COL18A1: variants seen among roughly 807,000 people sequenced by gnomAD.
The protein encoded by COL18A1 is collagen type XVIII alpha 1 chain.
In COL18A1, 133 loss-of-function variants were observed where a neutral mutation model predicts 168.0. The ratio of observed to expected loss-of-function variants is 0.79; its 90% CI spans 0.69 to 0.91. The LOEUF is 0.91. Ranked by LOEUF, COL18A1 falls within the 40% of genes least tolerant of loss-of-function variation. The pLI is 0.00. For synonymous variants in COL18A1, 949 were observed against 809.0 expected (o/e 1.17, Z -2.94); for missense variants, 2,126 against 1,925.4 (o/e 1.10, Z -1.95).
At chr21:45,452,279 A>G (rs892954316) in intron 2 of COL18A1, among the ~76,000 whole-genome samples, 5 of 152,248 alleles carry the variant, frequency 3.3e-5, no homozygotes, top group Non-Finnish European at 7.3e-5. Flanking sequence ...GTGCAAGTAC[A>G]TGGTGAGTGT....
intron 2 of COL18A1, among the ~76,000 whole-genome samples, chr21:45,460,397 C>T (rs1345836486): frequency 4.6e-5 from 7 of 152,214 alleles, no homozygotes; most frequent in Non-Finnish European, 1.0e-4. Context: ...TGCACGAGTC[C>T]CGTGATCTTG....
At position 45,477,806 on chromosome 21, in the gene COL18A1, A is replaced by C; in HGVS notation, c.1062A>C (p.Ala354=). Reference sequence around the variant, plus strand: ...GTGTTCCGGGCCCACCTGGCCGGGCAGGCCCCCCAGGATCCCCATGCCTAC... The same window carrying C: ...GTGTTCCGGGCCCACCTGGCCGGGCCGGCCCCCCAGGATCCCCATGCCTAC... ...EPGVPGPPGR[A]GPPGSPCLPG... The change falls in exon 8 of 42, where the codon GCA becomes GCC. Residue 354 remains alanine (A), a synonymous_variant. Coordinates refer to ENST00000651438, the MANE Select transcript of COL18A1 (RefSeq NM_001379500.1). 1 of 1,550,330 alleles carries C rather than the reference A, an allele frequency of 6.5e-7. No individual in the cohort carries two copies. Among genetic ancestry groups the C allele is most frequent in the Non-Finnish European group, 8.7e-7 (1 of 1,146,844 alleles).
At chr21:45,509,955 C>T (rs2037476010) in intron 39 of COL18A1, 109 bp from the exon 40 acceptor site, 1 of 1,293,134 alleles carries the variant, frequency 7.7e-7, no homozygotes, top group Non-Finnish European at 1.1e-6. Flanking sequence ...CGCTCAGCGC[C>T]CCTCGGCCGT....
chr21:45,430,287 C>G (rs530966535), intron 2 of COL18A1, among the ~76,000 whole-genome samples: 1 of 152,364 alleles, frequency 6.6e-6, no homozygotes, highest in African/African-American at 2.4e-5. Flanking sequence ...CTCGCCTTCT[C>G]CTGAGCGTGT....
intron 2 of COL18A1, among the ~76,000 whole-genome samples, chr21:45,434,080 G>A (rs1394258508): frequency 6.6e-6 from 1 of 151,948 alleles, no homozygotes; most frequent in Non-Finnish European, 1.5e-5. Context: ...CAGGTGCATG[G>A]GCCAGGTGTG....
intron 2 of COL18A1, among the ~76,000 whole-genome samples, chr21:45,418,741 C>T (rs11089002): frequency 8.4e-6 from 1 of 119,124 alleles, no homozygotes. Flanking sequence ...GGTCTCAGGG[C>T]AGCGGCACCT....
intron 18 of COL18A1, 140 bp downstream of exon 18, chr21:45,488,584 A>G (rs759898793): frequency 8.1e-7 from 1 of 1,236,700 alleles, no homozygotes; most frequent in Non-Finnish European, 1.2e-6. Flanking sequence ...AGTTTGCAAA[A>G]TACAGCAAAA....
intron 38 of COL18A1, among the ~76,000 whole-genome samples, chr21:45,507,906 G>C (rs2037318939): frequency 6.6e-6 from 1 of 152,200 alleles, no homozygotes; most frequent in Non-Finnish European, 1.5e-5. Context: ...TCCACATCTT[G>C]TGTCTTTGCC....
chr21:45,430,889 C>G (rs777409144), intron 2 of COL18A1, among the ~76,000 whole-genome samples: 4 of 152,210 alleles, frequency 2.6e-5, no homozygotes, highest in Non-Finnish European at 5.9e-5. Context: ...GGGAGCAAGG[C>G]GGATCAGATG....
Position 45,484,595 on chromosome 21 carries a change from CAT to C in COL18A1, c.1701+1775_1701+1776del, listed in dbSNP as rs1297590579. 3.3e-5 allele frequency among the ~76,000 whole-genome samples: 5 copies of C among 152,036 alleles called. No homozygotes were observed. The East Asian group carries it at 5.8e-4, about 18-fold the overall frequency. ...CGTGTATCTCTAGCATACATGCACACATGTATCTGGTGTATATGTGCAACACA... is the reference window on the plus strand; with the variant it reads ...CGTGTATCTCTAGCATACATGCACACGTATCTGGTGTATATGTGCAACACA... On this transcript the variant is annotated intron_variant, in intron 15 of 41. Coordinates refer to ENST00000651438, the MANE Select transcript of COL18A1 (RefSeq NM_001379500.1).
rs1316611642 is a variant in COL18A1, at chr21:45,471,121, A to T, written c.651+2335A>T. 9.8e-6 allele frequency among the ~76,000 whole-genome samples: 1 copy of T among 101,700 alleles called. No homozygotes were observed. The highest frequency in any genetic ancestry group is 2.1e-5 in the Non-Finnish European group (1 of 48,196). The allele number at this position is 101,700 out of a possible 152,430, so 66.7% of individuals were successfully genotyped here. On this transcript the variant is annotated intron_variant, in intron 3 of 41. Coordinates refer to ENST00000651438, the MANE Select transcript of COL18A1 (RefSeq NM_001379500.1). The surrounding 1 kb of genome is among the most constrained non-coding windows in gnomAD (Gnocchi z 4.4). ...GTGTGCTGCTGGGCCTGGGTGGCGC[A>T]CTACGGGCCTTGTGCTGCTGGGCGT... is the stretch of plus-strand genomic sequence containing the variant.
At position 45,471,802 on chromosome 21, in the gene COL18A1, G is replaced by T. The variant is rs1048816340; in HGVS notation, c.652-2093G>T. Among the ~76,000 whole-genome samples, 3 of 152,176 alleles carry T rather than the reference G, an allele frequency of 2.0e-5. No homozygotes were observed. Among genetic ancestry groups the T allele is most frequent in the African/African-American group, 7.2e-5 (3 of 41,446 alleles). On this transcript the variant is annotated intron_variant, in intron 3 of 41. Transcript: ENST00000651438. This position sits in a 1 kb window ranked among gnomAD's most constrained non-coding sequence, Gnocchi z 4.4. ...CGCTGAGGCTGCAGCGTGTCGGGAA[G>T]CATTTTACATGCTCTTCCCTCACAG...
intron 4 of COL18A1, 112 bp from the exon 5 acceptor site, chr21:45,475,364 G>A (rs1370396694): frequency 4.1e-6 from 4 of 985,014 alleles, no homozygotes; most frequent in South Asian, 2.8e-5. Context: ...TGGACGAGGC[G>A]AGAGGGGGCC....
At chr21:45,482,116 G>A (rs2035920314) in intron 14 of COL18A1, 91 bp downstream of exon 14, 5 of 971,016 alleles carry the variant, frequency 5.1e-6, no homozygotes, top group Non-Finnish European at 8.1e-6. Flanking sequence ...CCGTGAAGGG[G>A]AAATGCCAGG....
chr21:45,464,153 C>T (rs2035126665), intron 2 of COL18A1, among the ~76,000 whole-genome samples: 1 of 152,102 alleles, frequency 6.6e-6, no homozygotes, highest in African/African-American at 2.4e-5. Flanking sequence ...CCAGGTTGCC[C>T]AGCCCTCGGG....
intron 22 of COL18A1, among the ~76,000 whole-genome samples, chr21:45,491,548 G>A (rs942829308): frequency 5.3e-5 from 8 of 151,482 alleles, no homozygotes; most frequent in African/African-American, 1.2e-4. Flanking sequence ...GGCCTGCACA[G>A]GGGCCAGTGT....
intron 2 of COL18A1, among the ~76,000 whole-genome samples, chr21:45,431,379 G>A (rs1305792040): frequency 2.7e-5 from 4 of 149,930 alleles, no homozygotes; most frequent in East Asian, 2.0e-4. Context: ...GGCAGGACCC[G>A]GCGGCCCAGG....
In COL18A1 at chr21:45,453,031, A is replaced by G. The variant is rs540130826; in HGVS notation, c.107-15211A>G. ...TGTATGTGTGTGATTGCGAGTATTC[A>G]TGTGTGACATGTAAGCATGTATGTA... On this transcript the variant is annotated intron_variant, in intron 2 of 41. Coordinates refer to ENST00000651438, the MANE Select transcript of COL18A1 (RefSeq NM_001379500.1). Among the ~76,000 whole-genome samples the G allele has an allele frequency of 1.1e-4, 17 of 151,406 alleles. No homozygotes were observed. The East Asian group carries it at 1.4e-3, about 12-fold the overall frequency.
At chr21:45,477,120 G>C (rs150532985) in intron 6 of COL18A1, among the ~76,000 whole-genome samples, 1 of 152,156 alleles carries the variant, frequency 6.6e-6, no homozygotes, top group Admixed American at 6.5e-5. Context: ...AAGGCATTCT[G>C]GGGGGCCAGG....
Sources: allele counts gnomAD v4.1 joint callset (sites outside exome capture counted in the v4.1 genomes callset), GRCh38; gene constraint gnomAD v4.1.1; non-coding constraint Gnocchi (gnomAD v3.1); transcripts MANE v1.5; gene names NCBI Gene and HGNC (gene_info 2026-07-23, HGNC 2026-07-21).